HSP90AA1: variants seen among roughly 807,000 people sequenced by gnomAD.
The protein encoded by HSP90AA1 is heat shock protein 90 alpha family class A member 1.
HSP90AA1 carries 18 observed loss-of-function variants against 73.3 expected under a neutral mutation model. That is an observed-to-expected ratio of 0.25 (90% CI 0.17 to 0.36). The LOEUF is 0.36. Among genes scored for constraint, HSP90AA1 ranks in the 10% least tolerant of loss-of-function variants. HSP90AA1 has a pLI of 1.00. For missense variants in HSP90AA1, 704 were observed against 874.2 expected (o/e 0.81, Z 2.45); for synonymous variants, 477 against 296.9 (o/e 1.61, Z -6.24).
chr14:102,128,996 C>A (rs1478010638), intron 1 of HSP90AA1, among the ~76,000 whole-genome samples: 1 of 151,820 alleles, frequency 6.6e-6, no homozygotes, highest in African/African-American at 2.4e-5. Flanking sequence ...TATGGCGCTC[C>A]CTGGACCAAT....
At chr14:102,087,930 G>C (rs1258435676), upstream of HSP90AA1, among the ~76,000 whole-genome samples, 1 of 130,470 alleles carries the variant, frequency 7.7e-6, no homozygotes, top group Non-Finnish European at 1.6e-5. Context: ...TGCCCTAAAA[G>C]GTTTTTTTTT....
At position 102,083,818 on chromosome 14, in the gene HSP90AA1, T is replaced by G; in HGVS notation, c.1313A>C (p.Tyr438Ser). The change falls in exon 7 of 11, where the codon TAT becomes TCT. Residue 438 changes from tyrosine to serine, a missense_variant. Physicochemically the swap from Tyr to Ser is moderately radical, Grantham distance 144 (BLOSUM62 -2). Transcript: ENST00000216281. Reference sequence around the variant, plus strand: ...CTTTATGTTTTTAGAGAACTGCTCATAGAATTTCTTGTAGTTCTCTTTATC... The same window carrying G: ...CTTTATGTTTTTAGAGAACTGCTCAGAGAATTTCTTGTAGTTCTCTTTATC... ...AEDKENYKKF[Y>S]EQFSKNIKLG... The G allele has an allele frequency of 1.2e-6, 2 of 1,613,630 alleles. No homozygotes were observed. The highest frequency in any genetic ancestry group is 8.5e-7 in the Non-Finnish European group (1 of 1,179,816).
chr14:102,130,891 A>T (rs997773471), intron 1 of HSP90AA1, among the ~76,000 whole-genome samples: 2 of 151,532 alleles, frequency 1.3e-5, no homozygotes, highest in African/African-American at 4.9e-5. Flanking sequence ...TAATTTTTAA[A>T]TTTTTTTTGT....
upstream of HSP90AA1, among the ~76,000 whole-genome samples, chr14:102,087,788 C>T (rs368934823): frequency 6.6e-6 from 1 of 152,182 alleles, no homozygotes; most frequent in Non-Finnish European, 1.5e-5. Flanking sequence ...GGTCCCTTAG[C>T]TTGGGAATCG....
chr14:102,085,670 T>C, intron 3 of HSP90AA1, 88 bp downstream of exon 3: 1 of 1,583,142 alleles, frequency 6.3e-7, no homozygotes, highest in South Asian at 1.1e-5. Flanking sequence ...ACAAATTCTG[T>C]AAGCTTCACC....
chr14:102,135,724 C>T (rs2049983681), intron 1 of HSP90AA1, among the ~76,000 whole-genome samples: 1 of 152,250 alleles, frequency 6.6e-6, no homozygotes, highest in Non-Finnish European at 1.5e-5. Flanking sequence ...TGCTGGGGGA[C>T]CCAGTACACC....
At chr14:102,110,646 C>A (rs532658271) in intron 1 of HSP90AA1, among the ~76,000 whole-genome samples, 4 of 151,308 alleles carry the variant, frequency 2.6e-5, no homozygotes, top group African/African-American at 9.7e-5. Flanking sequence ...GTGGCACGAT[C>A]TTGGCTCACT....
upstream of HSP90AA1, chr14:102,087,264 C>T: frequency 1.8e-6 from 1 of 559,294 alleles, no homozygotes; most frequent in Non-Finnish European, 2.3e-6. Context: ...TTCCCTCAAT[C>T]GCCGCCGCGC....
At chr14:102,130,421 AATT>A (rs1191963846) in intron 1 of HSP90AA1, among the ~76,000 whole-genome samples, 1 of 152,096 alleles carries the variant, frequency 6.6e-6, no homozygotes, top group African/African-American at 2.4e-5. Context: ...TGGGGGTTTA[AATT>A]TCTCCACATT....
chr14:102,083,504 T>C, intron 8 of HSP90AA1, 42 bp downstream of exon 8: 1 of 1,595,306 alleles, frequency 6.3e-7, no homozygotes. Context: ...CCTACAAGAT[T>C]GTAAGAACGA....
chr14:102,084,006 G>A (rs2049158904), intron 6 of HSP90AA1, 23 bp from the exon 7 acceptor site: 4 of 1,567,880 alleles, frequency 2.6e-6, no homozygotes, highest in African/African-American at 2.7e-5. Flanking sequence ...TAAACCAAAT[G>A]CACTGAGTCA....
rs768234532 is a variant in HSP90AA1 at position 102,086,114 on chromosome 14, T to C, written c.173A>G (p.Lys58Arg). 1.9e-6 allele frequency: 3 copies of C among 1,614,144 alleles called. No individual in the cohort carries two copies. The highest frequency in any genetic ancestry group is 2.2e-5 in the East Asian group (1 of 44,888). The change falls in exon 3 of 11, where the codon AAA (lysine) becomes AGA (arginine). Residue 58 changes from lysine (K) to arginine (R), a missense_variant. Physicochemically the swap from Lys to Arg is conservative, Grantham distance 26. Transcript: ENST00000216281. ...ATCTGTCAAGCTTTCATACCGGATT[T>C]TGTCCAATGCCTGTTAACAAAAAAT... Reference protein sequence around the residue: ...LISNSSDALDKIRYESLTDPS... With the variant: ...LISNSSDALDRIRYESLTDPS...
At chr14:102,134,058 G>A (rs2049944866) in intron 1 of HSP90AA1, among the ~76,000 whole-genome samples, 1 of 151,740 alleles carries the variant, frequency 6.6e-6, no homozygotes, top group South Asian at 2.1e-4. Context: ...CGCTGAGGCA[G>A]GAGAATTGCT....
At chr14:102,095,882 T>A (rs1162009850) in intron 2 of HSP90AA1, among the ~76,000 whole-genome samples, 1 of 152,136 alleles carries the variant, frequency 6.6e-6, no homozygotes, top group Non-Finnish European at 1.5e-5. Context: ...TACATTCCCG[T>A]TTTCATCTGC....
At chr14:102,110,741 G>A (rs988574879) in intron 1 of HSP90AA1, among the ~76,000 whole-genome samples, 2 of 152,018 alleles carry the variant, frequency 1.3e-5, no homozygotes, top group Non-Finnish European at 2.9e-5. Flanking sequence ...CACCACGCCC[G>A]GCTAATTTTT....
Position 102,106,429 on chromosome 14 carries a change from C to G in HSP90AA1, c.156-4344G>C, listed in dbSNP as rs578227400. Among the ~76,000 whole-genome samples the G allele has an allele frequency of 4.6e-5, 7 of 151,700 alleles. No individual in the cohort carries two copies. The East Asian group carries it at 1.4e-3, about 29-fold the overall frequency. The stretch of plus-strand genomic sequence containing the variant: ...TCAGCTAATATCAAGTAGGGAGCTT[C>G]TTTAAAAAGAAATCCTGATTATGCA... On this transcript the variant is annotated intron_variant, in intron 1 of 11. Coordinates refer to the HSP90AA1 transcript ENST00000334701.
chr14:102,125,132 T>G (rs933441396), intron 1 of HSP90AA1, among the ~76,000 whole-genome samples: 2 of 152,130 alleles, frequency 1.3e-5, no homozygotes, highest in South Asian at 2.1e-4. Flanking sequence ...GCTGGGACTA[T>G]AGCCATGTAT....
rs940708011 is a variant in HSP90AA1 at position 102,104,745 on chromosome 14, C to T, written c.156-2660G>A. On this transcript the variant is annotated intron_variant, in intron 1 of 11. Coordinates refer to the HSP90AA1 transcript ENST00000334701. ...AACCAACTTCGACTCATCTTTCCCT[C>T]TCCTTTCCCTTTCCAGCCTCTGATA... 2.0e-5 allele frequency among the ~76,000 whole-genome samples: 3 copies of T among 152,198 alleles called. No homozygotes were observed. The South Asian group carries it at 6.2e-4, about 32-fold the overall frequency.
chr14:102,117,139 CA>C (rs1176319119), intron 1 of HSP90AA1, among the ~76,000 whole-genome samples: 1 of 152,140 alleles, frequency 6.6e-6, no homozygotes, highest in Non-Finnish European at 1.5e-5. Context: ...GGAGAGACGC[CA>C]AGGGGGGTGC....
Sources: allele counts gnomAD v4.1 joint callset (sites outside exome capture counted in the v4.1 genomes callset), GRCh38; gene constraint gnomAD v4.1.1; transcripts MANE v1.5; gene names NCBI Gene and HGNC (gene_info 2026-07-23, HGNC 2026-07-21).